LONP2: variants seen among roughly 807,000 people sequenced by gnomAD.
LONP2 encodes lon protease homolog 2, peroxisomal.
LONP2 carries 60 observed loss-of-function variants against 85.6 expected under a neutral mutation model. That is an observed-to-expected ratio of 0.70 (90% CI 0.57 to 0.87). LONP2 has a LOEUF of 0.87. Among genes scored for constraint, LONP2 ranks in the 40% least tolerant of loss-of-function variants. The pLI, the probability that LONP2 is intolerant of heterozygous loss-of-function variation, is 0.00. For synonymous variants in LONP2, 395 were observed against 389.7 expected, an observed-to-expected ratio of 1.01 and a Z score of -0.16; for missense variants, 860 against 1,063.5, an observed-to-expected ratio of 0.81 and a Z score of 2.66.
At chr16:48,318,823 T>C (rs879668504) in intron 11 of LONP2, among the ~76,000 whole-genome samples, 1 of 152,192 alleles carries the variant, frequency 6.6e-6, no homozygotes, top group African/African-American at 2.4e-5. Flanking sequence ...CAGCCTTCTG[T>C]TGGGCTGCTT....
intron 7 of LONP2, among the ~76,000 whole-genome samples, chr16:48,270,983 A>G (rs1350437844): frequency 6.6e-6 from 1 of 151,992 alleles, no homozygotes; most frequent in Non-Finnish European, 1.5e-5. Flanking sequence ...TTATATTTAA[A>G]TTTTTTAATT....
At chr16:48,326,238 G>C (rs1015427156) in intron 11 of LONP2, among the ~76,000 whole-genome samples, 13 of 152,196 alleles carry the variant, frequency 8.5e-5, no homozygotes, top group Non-Finnish European at 1.8e-4. Flanking sequence ...AGAAACAGTA[G>C]TAGTCCTTTC....
chr16:48,273,958 CTGAA>C (rs1288133272), intron 7 of LONP2, among the ~76,000 whole-genome samples: 8 of 152,194 alleles, frequency 5.3e-5, no homozygotes, highest in African/African-American at 1.9e-4. Flanking sequence ...CATATGCAAC[CTGAA>C]ATGGTAAAGT....
chr16:48,244,435 T>A lies in LONP2; in HGVS notation c.47T>A (p.Leu16Gln). Reference sequence around the variant, plus strand: ...CAGATCCCCAGTCGCCTCCCGCTGCTGCTCACCCACGAGGGCGTCCTGCTG... The same window carrying A: ...CAGATCCCCAGTCGCCTCCCGCTGCAGCTCACCCACGAGGGCGTCCTGCTG... The part of the protein sequence containing the change: ...PIQIPSRLPL[L>Q]LTHEGVLLPG... The change falls in exon 1 of 15, where the codon CTG becomes CAG. Residue 16 changes from leucine to glutamine, a missense_variant. This residue lies in a region of LONP2 where 743 missense variants were observed against 917.3 expected (regional missense o/e 0.81). Coordinates refer to ENST00000285737, the MANE Select transcript of LONP2 (RefSeq NM_031490.5). 6.3e-7 allele frequency: 1 copy of A among 1,593,654 alleles called. No individual in the cohort carries two copies. The highest frequency in any genetic ancestry group is 8.5e-7 in the Non-Finnish European group (1 of 1,174,610).
In LONP2 at chr16:48,354,491, G is replaced by A. The variant is rs1960262584; in HGVS notation, c.*2689G>A. The A allele has an allele frequency of 6.6e-6, 1 of 152,132 alleles. No homozygotes were observed. Among genetic ancestry groups the A allele is most frequent in the Non-Finnish European group, 1.5e-5 (1 of 68,102 alleles). The allele number at this position is 152,132 out of a possible 1,614,324, so 9.4% of individuals were successfully genotyped here. A position where few individuals can be genotyped will look rare whatever the true frequency, so the allele number is the denominator to read the frequency against. On this transcript the variant is annotated 3_prime_UTR_variant, in exon 15 of 15. Coordinates refer to ENST00000285737, the MANE Select transcript of LONP2 (RefSeq NM_031490.5). ...CCCAAAATGCTGGCATTACAGGCGT[G>A]AGCCACCACACCCGGCTTACATGCA...
At chr16:48,287,217 G>A (rs1972462345) in intron 8 of LONP2, among the ~76,000 whole-genome samples, 1 of 152,216 alleles carries the variant, frequency 6.6e-6, no homozygotes, top group South Asian at 2.1e-4. Context: ...TCCTGCTTTT[G>A]CAGAGCCTCA....
chr16:48,350,244 C>T (rs1304840758), intron 14 of LONP2, among the ~76,000 whole-genome samples: 5 of 151,958 alleles, frequency 3.3e-5, no homozygotes, highest in Admixed American at 6.6e-5. Context: ...AAAAATTATC[C>T]GGATGTGGTG....
intron 11 of LONP2, among the ~76,000 whole-genome samples, chr16:48,326,981 A>G (rs1249189296): frequency 2.0e-5 from 3 of 152,198 alleles, no homozygotes; most frequent in South Asian, 2.1e-4. Flanking sequence ...GTCTGTCCCT[A>G]TAGGACTTCC....
intron 11 of LONP2, among the ~76,000 whole-genome samples, chr16:48,318,535 T>G (rs368998536): frequency 1.3e-5 from 2 of 152,184 alleles, no homozygotes; most frequent in East Asian, 3.9e-4. Context: ...AGAAAGAAAA[T>G]AAAATTCATC....
rs145523460 is a variant in LONP2, at chr16:48,307,476, T to A, written c.1795+4171T>A. Among the ~76,000 whole-genome samples, 261 of 152,368 alleles carry A rather than the reference T, an allele frequency of 1.7e-3. 1 individual carries two copies. The highest frequency in any genetic ancestry group is 5.9e-3 in the African/African-American group (244 of 41,586). On this transcript the variant is annotated intron_variant, in intron 11 of 14. Transcript: ENST00000285737. ...CATTTGTTTAAGTACCCATGTATCA[T>A]ATATTCAATTTATATCTAGCAAGAT...
chr16:48,303,183 AG>A lies in LONP2; in HGVS notation c.1675del (p.Ala559GlnfsTer19). On this transcript the variant is annotated frameshift_variant, in exon 11 of 15. Coordinates refer to ENST00000285737, the MANE Select transcript of LONP2 (RefSeq NM_031490.5). LOFTEE classifies it high-confidence loss of function. ...TTGTTTGATGACAGGTATACCAGAG[AG>A]GCAGGGGTTCGTTCTCTGGATAGAA... Reference protein sequence around the residue: ...TLDIITRYTREAGVRSLDRKL... With the variant: ...TLDIITRYTRXAGVRSLDRKL... 1 of 1,614,136 alleles carries A rather than the reference AG, an allele frequency of 6.2e-7. No homozygotes were observed. The highest frequency in any genetic ancestry group is 8.5e-7 in the Non-Finnish European group (1 of 1,180,008).
chr16:48,288,416 GTGCTGGTATTACA>G (rs1972493922), intron 8 of LONP2, among the ~76,000 whole-genome samples: 1 of 152,096 alleles, frequency 6.6e-6, no homozygotes, highest in African/African-American at 2.4e-5. Flanking sequence ...GCCTCCCAAA[GTGCTGGTATTACA>G]GGCATGAGCC....
intron 6 of LONP2, among the ~76,000 whole-genome samples, chr16:48,265,245 CT>C (rs759291300): frequency 1.1e-4 from 16 of 152,018 alleles, no homozygotes; most frequent in Non-Finnish European, 1.8e-4. Flanking sequence ...TTCATTTTTG[CT>C]TTTGTTGCCT....
chr16:48,265,607 A>G (rs1269613442), intron 6 of LONP2, among the ~76,000 whole-genome samples: 1 of 152,024 alleles, frequency 6.6e-6, no homozygotes, highest in African/African-American at 2.4e-5. Context: ...CCAGAATCAT[A>G]CTCTCTGATT....
At chr16:48,274,771 T>A (rs1662592841) in intron 7 of LONP2, among the ~76,000 whole-genome samples, 1 of 152,080 alleles carries the variant, frequency 6.6e-6, no homozygotes, top group African/African-American at 2.4e-5. Context: ...ACTGTTAACA[T>A]TTGTTTTGTT....
Position 48,351,766 on chromosome 16 carries a change from C to G in LONP2, c.2523C>G (p.Val841=). 1 of 1,614,158 alleles carries G rather than the reference C, an allele frequency of 6.2e-7. No individual in the cohort carries two copies. Among genetic ancestry groups the G allele is most frequent in the Non-Finnish European group, 8.5e-7 (1 of 1,180,028 alleles). The change falls in exon 15 of 15, where the codon GTC becomes GTG. Residue 841 remains valine, a synonymous_variant. Coordinates refer to ENST00000285737, the MANE Select transcript of LONP2 (RefSeq NM_031490.5). The part of the protein sequence containing the change: ...LNAAFDGGFT[V]KTRPGLLNSK... ...CAGCTTTTGATGGTGGCTTTACTGT[C>G]AAGACCAGACCTGGTCTGTTAAATA...
chr16:48,261,658 A>G (rs1352565692), intron 5 of LONP2, 71 bp downstream of exon 5: 1 of 1,149,336 alleles, frequency 8.7e-7, no homozygotes, highest in African/African-American at 1.6e-5. Context: ...CACTTTCACT[A>G]CTCTTTTCTC....
chr16:48,348,486 CCTTTT>C (rs1193555927), intron 14 of LONP2, among the ~76,000 whole-genome samples, 196 bp downstream of exon 14: 3 of 133,120 alleles, frequency 2.3e-5, no homozygotes, highest in Admixed American at 7.5e-5. Context: ...TTCACATTTT[CCTTTT>C]TTTTTTTTTT....
intron 10 of LONP2, among the ~76,000 whole-genome samples, chr16:48,302,823 A>T (rs1201830857): frequency 1.3e-5 from 2 of 152,222 alleles, no homozygotes; most frequent in Non-Finnish European, 2.9e-5. Context: ...TAAATTGACA[A>T]ATTTTGTTTA....
Sources: allele counts gnomAD v4.1 joint callset (sites outside exome capture counted in the v4.1 genomes callset), GRCh38; gene constraint gnomAD v4.1.1; regional missense constraint gnomAD v4.1.1; transcripts MANE v1.5; gene names NCBI Gene and HGNC (gene_info 2026-07-23, HGNC 2026-07-21).